PDLIM3: variants seen among roughly 807,000 people sequenced by gnomAD.
PDLIM3 encodes PDZ and LIM domain 3, also known as PDZ and LIM domain protein 3.
In PDLIM3, 36 loss-of-function variants were observed where a neutral mutation model predicts 37.3. That is an observed-to-expected ratio of 0.97 (90% CI 0.74 to 1.28). PDLIM3 has a LOEUF of 1.28. Ranked by LOEUF, PDLIM3 falls within the 50% of genes most tolerant of loss-of-function variation. PDLIM3 has a pLI of 0.00. For missense variants in PDLIM3, 454 were observed against 485.0 expected, an observed-to-expected ratio of 0.94 and a Z score of 0.60; for synonymous variants, 174 against 182.4, an observed-to-expected ratio of 0.95 and a Z score of 0.37.
chr4:185,514,094 T>G lies in PDLIM3; in HGVS notation c.398+176A>C. On this transcript the variant is annotated intron_variant, in intron 4 of 7. Coordinates refer to ENST00000284767, the MANE Select transcript of PDLIM3 (RefSeq NM_014476.6). This position sits in a 1 kb window ranked among gnomAD's most constrained non-coding sequence, Gnocchi z 4.0. ...TCTTGTCAATATTTACTCTTGGAAATGCAAGTTATTTGGCTTCTGTTCTCT... is the reference window on the plus strand; with the variant it reads ...TCTTGTCAATATTTACTCTTGGAAAGGCAAGTTATTTGGCTTCTGTTCTCT... 1 of 1,499,878 alleles carries G rather than the reference T, an allele frequency of 6.7e-7. No homozygotes were observed. The highest frequency in any genetic ancestry group is 2.2e-5 in the Admixed American group (1 of 45,168). The allele number at this position is 1,499,878 out of a possible 1,614,324, so 92.9% of individuals were successfully genotyped here.
At position 185,501,455 on chromosome 4, in the gene PDLIM3, T is replaced by G. The variant is rs1484136001; in HGVS notation, c.*839A>C. The G allele has an allele frequency of 1.3e-5, 2 of 152,194 alleles. No individual in the cohort carries two copies. The highest frequency in any genetic ancestry group is 2.9e-5 in the Non-Finnish European group (2 of 68,034). The allele number at this position is 152,194 out of a possible 1,614,324, so 9.4% of individuals were successfully genotyped here. Reference sequence around the variant, plus strand: ...GCCTAAGAAACAGCAGTGATGGACTTTGAACCTTCAATTTGACTGAATATT... The same window carrying G: ...GCCTAAGAAACAGCAGTGATGGACTGTGAACCTTCAATTTGACTGAATATT... On this transcript the variant is annotated 3_prime_UTR_variant, in exon 8 of 8. Transcript: ENST00000284767.
chr4:185,511,956 T>C lies in PDLIM3; in HGVS notation c.398+2314A>G, dbSNP rs1168655586. ...TTTTAAAAGTTAAAAACAAATCTAG[T>C]TGTAGGCTGGTATGCAGCCACTCAC... On this transcript the variant is annotated intron_variant, in intron 4 of 7. Coordinates refer to ENST00000284767, the MANE Select transcript of PDLIM3 (RefSeq NM_014476.6). 5.9e-5 allele frequency: 9 copies of C among 152,184 alleles called. 1 individual carries two copies. The highest frequency in any genetic ancestry group is 2.4e-5 in the African/African-American group (1 of 41,444). The allele number at this position is 152,184 out of a possible 1,614,324, so 9.4% of individuals were successfully genotyped here. A position where few individuals can be genotyped will look rare whatever the true frequency, so the allele number is the denominator to read the frequency against.
In PDLIM3 at chr4:185,514,079, A is replaced by G; in HGVS notation, c.398+191T>C. ...TTCACAGCTCTGTCATCTTGTCAAT[A>G]TTTACTCTTGGAAATGCAAGTTATT... On this transcript the variant is annotated intron_variant, in intron 4 of 7. Coordinates refer to ENST00000284767, the MANE Select transcript of PDLIM3 (RefSeq NM_014476.6). This position sits in a 1 kb window ranked among gnomAD's most constrained non-coding sequence, Gnocchi z 4.0. 1 of 1,483,296 alleles carries G rather than the reference A, an allele frequency of 6.7e-7. No homozygotes were observed. The highest frequency in any genetic ancestry group is 8.9e-7 in the Non-Finnish European group (1 of 1,121,342). The allele number at this position is 1,483,296 out of a possible 1,614,324, so 91.9% of individuals were successfully genotyped here.
rs761076933 is a variant in PDLIM3 at position 185,514,311 on chromosome 4, ATGCT to A, written c.353_356del (p.Lys118IlefsTer9). On this transcript the variant is annotated frameshift_variant, in exon 4 of 8. Coordinates refer to ENST00000284767, the MANE Select transcript of PDLIM3 (RefSeq NM_014476.6). LOFTEE classifies it high-confidence loss of function. The surrounding 1 kb of genome is among the most constrained non-coding windows in gnomAD (Gnocchi z 4.0). Reference sequence around the variant, plus strand: ...TCACGAAAGGTTTGGGCCGAATATTATGCTTGTGTTCAAAGTAGTTCCCGTCCTG... The same window carrying A: ...TCACGAAAGGTTTGGGCCGAATATTATGTGTTCAAAGTAGTTCCCGTCCTG... 1.2e-6 allele frequency: 2 copies of A among 1,614,212 alleles called. No individual in the cohort carries two copies. Among genetic ancestry groups the A allele is most frequent in the Non-Finnish European group, 1.7e-6 (2 of 1,180,042 alleles).
At chr4:185,513,465 G>A (rs948991659) in intron 4 of PDLIM3, 1 of 941,560 alleles carries the variant, frequency 1.1e-6, no homozygotes, top group African/African-American at 1.8e-5. Context: ...AGAGTGATGT[G>A]CATTTTGACA....
At position 185,501,939 on chromosome 4, in the gene PDLIM3, A is replaced by C. The variant is rs1331940097; in HGVS notation, c.*355T>G. ...TGCTATTTACCACAATTGCAAAATC[A>C]ACTTGTCAAGGAAAGACAATTAGAG... is the stretch of plus-strand genomic sequence containing the variant. On this transcript the variant is annotated 3_prime_UTR_variant, in exon 8 of 8. Transcript: ENST00000284767. 1 of 336,494 alleles carries C rather than the reference A, an allele frequency of 3.0e-6. No homozygotes were observed. The highest frequency in any genetic ancestry group is 2.1e-5 in the African/African-American group (1 of 47,276). 20.8% of individuals were successfully genotyped at this position (336,494 alleles called of 1,614,324 possible).
chr4:185,524,970 GGTTCTCCT>G (rs750498212), intron 2 of PDLIM3, 42 bp downstream of exon 2: 1 of 1,588,874 alleles, frequency 6.3e-7, no homozygotes, highest in Non-Finnish European at 8.6e-7. Flanking sequence ...TTCTGGTTCA[GGTTCTCCT>G]GCAAAACAGA....
chr4:185,525,498 A>C (rs1221095673), intron 1 of PDLIM3, among the ~76,000 whole-genome samples: 1 of 152,114 alleles, frequency 6.6e-6, no homozygotes, highest in Non-Finnish European at 1.5e-5. Flanking sequence ...AGAAGTCTCT[A>C]TTTGGGAATA....
In PDLIM3 at chr4:185,517,944, G is replaced by A. The variant is rs145972999; in HGVS notation, c.331-3607C>T. On this transcript the variant is annotated intron_variant, in intron 3 of 7. Transcript: ENST00000284767. ...AAAAGACAAAACCAATTAGAAGTCC[G>A]CTGTTCCACTTTAATTCATTTTTAT... 4.2e-3 allele frequency among the ~76,000 whole-genome samples: 640 copies of A among 152,178 alleles called. 1 individual carries two copies. Among genetic ancestry groups the A allele is most frequent in the Non-Finnish European group, 6.9e-3 (468 of 67,998 alleles).
chr4:185,512,203 T>C (rs2095707709), intron 4 of PDLIM3: 1 of 147,020 alleles, frequency 6.8e-6, no homozygotes, highest in African/African-American at 2.5e-5. Context: ...TGCCTCAGCC[T>C]CCCCAGTAGC....
Position 185,500,925 on chromosome 4 carries a change from T to A in PDLIM3, c.*1369A>T, listed in dbSNP as rs973936414. On this transcript the variant is annotated 3_prime_UTR_variant, in exon 8 of 8. Coordinates refer to ENST00000284767, the MANE Select transcript of PDLIM3 (RefSeq NM_014476.6). Reference sequence around the variant, plus strand: ...AGCAGCTGTGGGGGTTGAGGGGTGGTAGAGATGACCATGTGACACAAGGTG... The same window carrying A: ...AGCAGCTGTGGGGGTTGAGGGGTGGAAGAGATGACCATGTGACACAAGGTG... 1.3e-5 allele frequency: 2 copies of A among 152,334 alleles called. No individual in the cohort carries two copies. The highest frequency in any genetic ancestry group is 6.6e-5 in the Admixed American group (1 of 15,256). The allele number at this position is 152,334 out of a possible 1,614,324, so 9.4% of individuals were successfully genotyped here. A position where few individuals can be genotyped will look rare whatever the true frequency, so the allele number is the denominator to read the frequency against.
rs769951503 is a variant in PDLIM3 at position 185,514,686 on chromosome 4, C to G, written c.331-349G>C. ...ACTGTTAGGTACACTGTGGCCAGAA[C>G]AGAGCCGGATACTTACTTTTGAGGT... On this transcript the variant is annotated intron_variant, in intron 3 of 7. Transcript: ENST00000284767. The surrounding 1 kb of genome is among the most constrained non-coding windows in gnomAD (Gnocchi z 4.0). 21 of 1,549,700 alleles carry G rather than the reference C, an allele frequency of 1.4e-5. No homozygotes were observed. The highest frequency in any genetic ancestry group is 3.9e-5 in the Admixed American group (2 of 50,860).
Position 185,514,702 on chromosome 4 carries a change from CTT to C in PDLIM3, c.331-367_331-366del. The C allele has an allele frequency of 6.4e-7, 1 of 1,551,538 alleles. No homozygotes were observed. Among genetic ancestry groups the C allele is most frequent in the Non-Finnish European group, 8.7e-7 (1 of 1,146,796 alleles). ...TGGCCAGAACAGAGCCGGATACTTACTTTTGAGGTGAGCTAGGAATGAGACCC... is the reference window on the plus strand; with the variant it reads ...TGGCCAGAACAGAGCCGGATACTTACTTGAGGTGAGCTAGGAATGAGACCC... On this transcript the variant is annotated intron_variant, in intron 3 of 7. Transcript: ENST00000284767. The surrounding 1 kb of genome is among the most constrained non-coding windows in gnomAD (Gnocchi z 4.0).
chr4:185,534,839 T>C (rs1395000757), intron 1 of PDLIM3, among the ~76,000 whole-genome samples: 1 of 152,154 alleles, frequency 6.6e-6, no homozygotes, highest in African/African-American at 2.4e-5. Context: ...ACGCAGGTCG[T>C]GCCCCGCGAA....
At chr4:185,510,278 A>G (rs1463824994) in intron 4 of PDLIM3, among the ~76,000 whole-genome samples, 1 of 152,196 alleles carries the variant, frequency 6.6e-6, no homozygotes, top group Non-Finnish European at 1.5e-5. Context: ...CCAGTAATGA[A>G]CCTACTCAAC....
chr4:185,506,432 T>G (rs1318594078), intron 6 of PDLIM3, 90 bp downstream of exon 6: 9 of 1,548,356 alleles, frequency 5.8e-6, no homozygotes, highest in Non-Finnish European at 8.0e-6. Context: ...GTTTTAGACT[T>G]TCATTCCCAG....
rs559667694 is a variant in PDLIM3, at chr4:185,504,684, A to C, written c.794-98T>G. The C allele has an allele frequency of 1.2e-5, 11 of 893,882 alleles. No individual in the cohort carries two copies. The highest frequency in any genetic ancestry group is 2.0e-5 in the Non-Finnish European group (11 of 552,232). 55.4% of individuals were successfully genotyped at this position (893,882 alleles called of 1,614,324 possible). On this transcript the variant is annotated intron_variant, in intron 6 of 7. Transcript: ENST00000284767. The surrounding 1 kb of genome is among the most constrained non-coding windows in gnomAD (Gnocchi z 4.7). ...AGTGTGCACTTTAACCTGAAGTTGC[A>C]TCTGCACCGTCATTCCGAGAGGGGC...
rs1002777077 is a variant in PDLIM3 at position 185,504,709 on chromosome 4, C to T, written c.794-123G>A. 2 of 741,818 alleles carry T rather than the reference C, an allele frequency of 2.7e-6. No individual in the cohort carries two copies. The highest frequency in any genetic ancestry group is 1.7e-5 in the African/African-American group (1 of 57,720). The allele number at this position is 741,818 out of a possible 1,614,324, so 46.0% of individuals were successfully genotyped here. A position where few individuals can be genotyped will look rare whatever the true frequency, so the allele number is the denominator to read the frequency against. On this transcript the variant is annotated intron_variant, in intron 6 of 7. Transcript: ENST00000284767. The surrounding 1 kb of genome is among the most constrained non-coding windows in gnomAD (Gnocchi z 4.7). ...ATCTGCACCGTCATTCCGAGAGGGGCAGGACTGATGCAATCATAAGGGACG... is the reference window on the plus strand; with the variant it reads ...ATCTGCACCGTCATTCCGAGAGGGGTAGGACTGATGCAATCATAAGGGACG...
chr4:185,501,187 ATCCATGAC>A lies in PDLIM3; in HGVS notation c.*1099_*1106del, dbSNP rs1231283429. 3 of 152,286 alleles carry A rather than the reference ATCCATGAC, an allele frequency of 2.0e-5. No individual in the cohort carries two copies. The highest frequency in any genetic ancestry group is 7.2e-5 in the African/African-American group (3 of 41,448). The allele number at this position is 152,286 out of a possible 1,614,324, so 9.4% of individuals were successfully genotyped here. A position where few individuals can be genotyped will look rare whatever the true frequency, so the allele number is the denominator to read the frequency against. ...GCAGAGTGCATGTCTCAGACAGAGG[ATCCATGAC>A]TCCAGGAAAGCTGAGCTGAGAGTTT... On this transcript the variant is annotated 3_prime_UTR_variant, in exon 8 of 8. Transcript: ENST00000284767.
Sources: gnomAD v4.1 joint callset for allele counts (sites outside exome capture counted in the v4.1 genomes callset) on GRCh38, gnomAD v4.1.1 for gene constraint, Gnocchi (gnomAD v3.1) non-coding constraint, MANE v1.5 for transcripts, NCBI Gene and HGNC (gene_info 2026-07-23, HGNC 2026-07-21) for gene names.